Variants in CDK14 observed in about 807,000 individuals in gnomAD.
CDK14 encodes cyclin-dependent kinase 14.
A neutral mutation model predicts 60.7 loss-of-function variants in CDK14; 34 were observed. That is an observed-to-expected ratio of 0.56 (90% CI 0.43 to 0.75). CDK14 has a LOEUF of 0.75. CDK14 is among the 30% of genes least tolerant of loss of function. CDK14 has a pLI of 0.00. For missense variants in CDK14, 482 were observed against 564.1 expected (o/e 0.85, Z 1.47); for synonymous variants, 197 against 203.7 (o/e 0.97, Z 0.28).
intron 10 of CDK14, among the ~76,000 whole-genome samples, chr7:91,019,398 A>G (rs1796382968): frequency 6.6e-6 from 1 of 152,186 alleles, no homozygotes; most frequent in Admixed American, 6.5e-5. Context: ...TCTGTTTTCA[A>G]TTTTGACTGA....
intron 2 of CDK14, among the ~76,000 whole-genome samples, chr7:90,644,198 T>G (rs17865980): frequency 0.047 from 7,218 of 152,282 alleles, 203 homozygotes; most frequent in Non-Finnish European, 0.055. Flanking sequence ...TCTTGGACTT[T>G]CCAGTCCCCA....
chr7:90,881,275 C>T (rs1174630420), intron 6 of CDK14, among the ~76,000 whole-genome samples: 1 of 152,094 alleles, frequency 6.6e-6, no homozygotes, highest in Admixed American at 6.6e-5. Flanking sequence ...TGAAAAACAC[C>T]TCATGAGAAC....
chr7:91,085,880 A>C (rs1798624289), intron 12 of CDK14, among the ~76,000 whole-genome samples: 1 of 152,214 alleles, frequency 6.6e-6, no homozygotes, highest in Non-Finnish European at 1.5e-5. Flanking sequence ...GGTAACTGAA[A>C]GTTTGGCCCG....
At chr7:91,015,498 T>C (rs151174887) in intron 10 of CDK14, among the ~76,000 whole-genome samples, 589 of 148,278 alleles carry the variant, frequency 4.0e-3, no homozygotes, top group African/African-American at 0.014. Flanking sequence ...TGGGTCTCCC[T>C]ACCCCAGCAG....
At chr7:91,032,774 CGTT>C (rs1045237939) in intron 10 of CDK14, among the ~76,000 whole-genome samples, 1 of 152,144 alleles carries the variant, frequency 6.6e-6, no homozygotes, top group Admixed American at 6.5e-5. Context: ...GCACATTTCT[CGTT>C]TTAAGCCACC....
intron 12 of CDK14, among the ~76,000 whole-genome samples, chr7:91,110,291 G>A (rs971149103): frequency 1.6e-4 from 24 of 152,130 alleles, no homozygotes; most frequent in African/African-American, 5.1e-4. Context: ...ATATTAAAGT[G>A]TAGTCAATTT....
intron 14 of CDK14, among the ~76,000 whole-genome samples, chr7:91,192,967 T>G (rs939056564): frequency 6.6e-6 from 1 of 152,204 alleles, no homozygotes; most frequent in Admixed American, 6.5e-5. Context: ...ATATGATGCA[T>G]AGACTGAGTG....
intron 9 of CDK14, among the ~76,000 whole-genome samples, chr7:90,982,423 C>A (rs1795254937): frequency 6.6e-6 from 1 of 152,100 alleles, no homozygotes; most frequent in South Asian, 2.1e-4. Flanking sequence ...CTGTAGCTGC[C>A]CTGAATCATC....
intron 11 of CDK14, among the ~76,000 whole-genome samples, chr7:91,054,292 G>A (rs571587514): frequency 1.4e-4 from 22 of 152,064 alleles, no homozygotes; most frequent in African/African-American, 3.1e-4. Context: ...AAATTATTAC[G>A]TAAATATCTG....
At chr7:90,677,463 C>T (rs375922233) in intron 2 of CDK14, among the ~76,000 whole-genome samples, 6 of 152,114 alleles carry the variant, frequency 3.9e-5, no homozygotes, top group African/African-American at 7.2e-5. Flanking sequence ...GGCTGTTAAT[C>T]GGCTTATTTT....
chr7:90,959,231 A>G (rs1794525670), intron 9 of CDK14, among the ~76,000 whole-genome samples: 1 of 152,128 alleles, frequency 6.6e-6, no homozygotes, highest in African/African-American at 2.4e-5. Context: ...GCCAGAACCA[A>G]ATAGCAAATG....
At chr7:90,635,213 C>T (rs1800110951) in intron 2 of CDK14, among the ~76,000 whole-genome samples, 1 of 152,200 alleles carries the variant, frequency 6.6e-6, no homozygotes, top group Admixed American at 6.5e-5. Context: ...TTGCCCATGC[C>T]TATGTCCTGA....
At chr7:91,149,570 A>G (rs1311628370) in intron 14 of CDK14, among the ~76,000 whole-genome samples, 2 of 152,236 alleles carry the variant, frequency 1.3e-5, no homozygotes, top group Non-Finnish European at 2.9e-5. Flanking sequence ...GCCTTGTCAG[A>G]CAGACTCTAA....
chr7:91,082,400 G>A (rs1798507459), intron 12 of CDK14, among the ~76,000 whole-genome samples: 1 of 152,302 alleles, frequency 6.6e-6, no homozygotes, highest in Admixed American at 6.5e-5. Context: ...GACTTGAATA[G>A]GCACAGGTTA....
At chr7:90,870,514 A>C (rs1791337161) in intron 6 of CDK14, among the ~76,000 whole-genome samples, 1 of 152,244 alleles carries the variant, frequency 6.6e-6, no homozygotes, top group Non-Finnish European at 1.5e-5. Flanking sequence ...AAAAATTCAT[A>C]AAATCAGAAC....
chr7:90,628,400 G>A (rs1799921787), intron 2 of CDK14, among the ~76,000 whole-genome samples: 1 of 152,104 alleles, frequency 6.6e-6, no homozygotes, highest in South Asian at 2.1e-4. Context: ...AGTGTTAAAG[G>A]CCATTACTGA....
chr7:91,205,180 T>C (rs181550882), intron 14 of CDK14, among the ~76,000 whole-genome samples: 61 of 152,318 alleles, frequency 4.0e-4, no homozygotes, highest in African/African-American at 1.4e-3. Flanking sequence ...GCTATTCCAC[T>C]TCTAGATATA....
intron 3 of CDK14, among the ~76,000 whole-genome samples, chr7:90,746,566 T>C (rs1803599591): frequency 6.6e-6 from 1 of 152,252 alleles, no homozygotes; most frequent in Admixed American, 6.5e-5. Flanking sequence ...TTTCATTCCT[T>C]ATATAATTAT....
chr7:90,855,865 C>T (rs960516868), intron 5 of CDK14, among the ~76,000 whole-genome samples: 2 of 152,158 alleles, frequency 1.3e-5, no homozygotes, highest in African/African-American at 4.8e-5. Context: ...GCCTGTATCT[C>T]ACCGCTCTTT....
Sources: allele counts gnomAD v4.1 joint callset (sites outside exome capture counted in the v4.1 genomes callset), GRCh38; gene constraint gnomAD v4.1.1; transcripts MANE v1.5; gene names NCBI Gene and HGNC (gene_info 2026-07-23, HGNC 2026-07-21).